The following RSF1 variants were observed in gnomAD, a reference collection of about 807,000 sequenced individuals.
RSF1 encodes HBV pX-associated protein 8.
In RSF1, 13 loss-of-function variants were observed where a neutral mutation model predicts 145.2. The ratio of observed to expected loss-of-function variants is 0.09; its 90% CI spans 0.06 to 0.14. The LOEUF is 0.14. Ranked by LOEUF, RSF1 falls within the 10% of genes least tolerant of loss-of-function variation. RSF1 has a pLI of 1.00. For synonymous variants in RSF1, 577 were observed against 592.6 expected, an observed-to-expected ratio of 0.97 and a Z score of 0.38; for missense variants, 1,517 against 1,718.2, an observed-to-expected ratio of 0.88 and a Z score of 2.07.
chr11:77,713,752 TTA>T (rs1960742751), intron 5 of RSF1, among the ~76,000 whole-genome samples: 3 of 152,242 alleles, frequency 2.0e-5, no homozygotes, highest in Admixed American at 1.3e-4. Context: ...GCATTAATTC[TTA>T]TGTTTGTTGA....
intron 1 of RSF1, among the ~76,000 whole-genome samples, chr11:77,777,187 A>G (rs984022760): frequency 6.6e-6 from 1 of 152,228 alleles, no homozygotes; most frequent in Non-Finnish European, 1.5e-5. Context: ...TCTCTAAAAG[A>G]TAAAATTGCC....
chr11:77,802,232 T>G (rs1483283585), intron 1 of RSF1, among the ~76,000 whole-genome samples: 1 of 152,120 alleles, frequency 6.6e-6, no homozygotes, highest in African/African-American at 2.4e-5. Context: ...TTATTGAACC[T>G]AAGAAGGAAG....
In RSF1 at chr11:77,758,381, C is replaced by T. The variant is rs887533630; in HGVS notation, c.279+6217G>A. Among the ~76,000 whole-genome samples, 5 of 152,180 alleles carry T rather than the reference C, an allele frequency of 3.3e-5. No homozygotes were observed. In the East Asian group the frequency reaches 9.7e-4, roughly 29 times the overall value. ...GTTGATGAACACAGGTTGTTTCTAC[C>T]TTTTGGCTACAGTGAATAATGCTGC... On this transcript the variant is annotated intron_variant, in intron 2 of 15. Transcript: ENST00000308488.
chr11:77,837,893 A>C, the RSF1 span, among the ~76,000 whole-genome samples: 6 of 152,090 alleles, frequency 3.9e-5, no homozygotes, highest in Non-Finnish European at 5.9e-5. Context: ...TGGCTCTAAA[A>C]ATAAATAAAT....
At chr11:77,808,181 A>G (rs1435091329) in intron 1 of RSF1, among the ~76,000 whole-genome samples, 1 of 152,052 alleles carries the variant, frequency 6.6e-6, no homozygotes, top group Non-Finnish European at 1.5e-5. Flanking sequence ...TAAAAATACA[A>G]AAATTAGCTG....
intron 15 of RSF1, among the ~76,000 whole-genome samples, chr11:77,670,413 TTA>T (rs1959489837): frequency 6.6e-6 from 1 of 152,218 alleles, no homozygotes; most frequent in African/African-American, 2.4e-5. Context: ...GAGGATTTCC[TTA>T]GTATATTATC....
At chr11:77,712,248 T>C (rs1960704504) in intron 5 of RSF1, among the ~76,000 whole-genome samples, 1 of 152,134 alleles carries the variant, frequency 6.6e-6, no homozygotes, top group Non-Finnish European at 1.5e-5. Context: ...TCAGGAGATG[T>C]GATGGTTTTA....
the RSF1 span, among the ~76,000 whole-genome samples, chr11:77,834,436 A>ATT: frequency 1.8e-5 from 2 of 110,444 alleles, no homozygotes; most frequent in Non-Finnish European, 3.7e-5. Flanking sequence ...GAGAAAGTTG[A>ATT]TTTTGTTTTT....
At chr11:77,850,359 C>A in the RSF1 span, among the ~76,000 whole-genome samples, 10 of 152,188 alleles carry the variant, frequency 6.6e-5, no homozygotes, top group East Asian at 1.9e-3. Context: ...ATTTTTGGAA[C>A]CAAAATTTGA....
intron 3 of RSF1, among the ~76,000 whole-genome samples, chr11:77,743,964 A>T (rs1270820773): frequency 1.3e-5 from 2 of 152,202 alleles, no homozygotes; most frequent in African/African-American, 4.8e-5. Context: ...GCATATACTC[A>T]TATGATCATA....
At chr11:77,761,562 T>C (rs955368360) in intron 2 of RSF1, among the ~76,000 whole-genome samples, 1 of 152,186 alleles carries the variant, frequency 6.6e-6, no homozygotes, top group Non-Finnish European at 1.5e-5. Context: ...AGGTACTAAA[T>C]TTGTGAAGGC....
intron 1 of RSF1, among the ~76,000 whole-genome samples, chr11:77,781,104 C>CT (rs113010922): frequency 0.18 from 26,265 of 148,748 alleles, 2,809 homozygotes; most frequent in African/African-American, 0.29. Flanking sequence ...TTTGAATTGT[C>CT]TTTTTTTTTT....
At chr11:77,766,250 T>C (rs1223320834) in intron 1 of RSF1, among the ~76,000 whole-genome samples, 1 of 152,206 alleles carries the variant, frequency 6.6e-6, no homozygotes, top group Non-Finnish European at 1.5e-5. Context: ...CAGCGTTCTC[T>C]AACATATTTG....
intron 1 of RSF1, among the ~76,000 whole-genome samples, chr11:77,816,473 T>G (rs1472542644): frequency 6.6e-6 from 1 of 152,196 alleles, no homozygotes; most frequent in Non-Finnish European, 1.5e-5. Flanking sequence ...TTCAAATCAT[T>G]AAATGCAAAA....
chr11:77,777,349 T>C (rs1002576750), intron 1 of RSF1, among the ~76,000 whole-genome samples: 3 of 152,124 alleles, frequency 2.0e-5, no homozygotes, highest in Admixed American at 6.6e-5. Flanking sequence ...CCCAGCACTT[T>C]TGGAGGCTGC....
chr11:77,749,377 T>C (rs180706323), intron 2 of RSF1, among the ~76,000 whole-genome samples: 1 of 152,190 alleles, frequency 6.6e-6, no homozygotes, highest in African/African-American at 2.4e-5. Flanking sequence ...ATGACCTGAA[T>C]GAAGCACTTA....
chr11:77,728,685 TTA>T (rs1961121227), intron 4 of RSF1, among the ~76,000 whole-genome samples: 1 of 152,036 alleles, frequency 6.6e-6, no homozygotes, highest in African/African-American at 2.4e-5. Context: ...AAGTCACTTA[TTA>T]TATAATTCTA....
At chr11:77,803,107 G>A (rs1394827713) in intron 1 of RSF1, among the ~76,000 whole-genome samples, 2 of 152,140 alleles carry the variant, frequency 1.3e-5, no homozygotes, top group East Asian at 1.9e-4. Flanking sequence ...TTTATGCCAC[G>A]TAGTTTCAGC....
intron 15 of RSF1, among the ~76,000 whole-genome samples, chr11:77,667,807 G>A (rs550305880): frequency 3.3e-5 from 5 of 151,960 alleles, no homozygotes; most frequent in East Asian, 1.9e-4. Context: ...GGGTTCAAGC[G>A]ATTCTCCTGC....
Sources: gnomAD v4.1 joint callset for allele counts (sites outside exome capture counted in the v4.1 genomes callset) on GRCh38, gnomAD v4.1.1 for gene constraint, MANE v1.5 for transcripts, NCBI Gene and HGNC (gene_info 2026-07-23, HGNC 2026-07-21) for gene names.